TANGO6: variants seen among roughly 807,000 people sequenced by gnomAD.
The protein encoded by TANGO6 is transport and golgi organization 6 homolog, also known as transport and Golgi organization protein 6 homolog.
Under a neutral mutation model 114.2 loss-of-function variants are expected in TANGO6, and 90 were observed. That is an observed-to-expected ratio of 0.79 (90% CI 0.66 to 0.94). The LOEUF (loss-of-function observed/expected upper bound fraction) is 0.94, where lower values mean the gene tolerates loss of function less well. Ranked by LOEUF, TANGO6 falls within the 40% of genes least tolerant of loss-of-function variation. The probability of loss-of-function intolerance (pLI) is 0.00; values close to 1 mark genes in which losing one functional copy is unlikely to be tolerated. For missense variants in TANGO6, 1,274 were observed against 1,315.3 expected (o/e 0.97, Z 0.49); for synonymous variants, 477 against 509.8 (o/e 0.94, Z 0.87).
chr16:69,040,180 C>A, intron 16 of TANGO6, 128 bp from the exon 17 acceptor site: 1 of 743,626 alleles, frequency 1.3e-6, no homozygotes, highest in Non-Finnish European at 2.2e-6. Flanking sequence ...GAGGATTAAG[C>A]AACTATCCAG....
chr16:68,907,383 G>A (rs939829932), intron 9 of TANGO6, 60 bp from the exon 10 acceptor site: 106 of 1,493,398 alleles, frequency 7.1e-5, no homozygotes, highest in Non-Finnish European at 8.7e-5. Flanking sequence ...TTGTTATGGG[G>A]TTTAAAATTA....
chr16:68,846,442 A>G (rs1402958703), intron 1 of TANGO6: 4 of 283,948 alleles, frequency 1.4e-5, no homozygotes, highest in African/African-American at 2.3e-5. Context: ...TAACTGGAAA[A>G]GGGAGGAGAG....
At chr16:68,921,828 T>A (rs991534859) in intron 12 of TANGO6, among the ~76,000 whole-genome samples, 2 of 152,126 alleles carry the variant, frequency 1.3e-5, no homozygotes, top group Admixed American at 1.3e-4. Flanking sequence ...CCATCCTGAC[T>A]CACTGATTAC....
chr16:68,874,194 C>T (rs1368623348), intron 4 of TANGO6, among the ~76,000 whole-genome samples: 1 of 152,204 alleles, frequency 6.6e-6, no homozygotes, highest in African/African-American at 2.4e-5. Flanking sequence ...ATGTAACTTC[C>T]TCCCTTCTGG....
At chr16:68,902,283 A>G (rs1487341955) in intron 8 of TANGO6, 45 bp from the exon 9 acceptor site, 1 of 1,545,674 alleles carries the variant, frequency 6.5e-7, no homozygotes, top group African/African-American at 1.4e-5. Flanking sequence ...TGTTAGATGC[A>G]TGGAGTAAGA....
chr16:68,936,810 T>TA (rs199619010), intron 14 of TANGO6, among the ~76,000 whole-genome samples: 14,967 of 140,772 alleles, frequency 0.11, 812 homozygotes, highest in African/African-American at 0.15. Context: ...GAGAAAAAAA[T>TA]AAAAAAAAAA....
chr16:68,996,169 G>A (rs1375510857), intron 15 of TANGO6, among the ~76,000 whole-genome samples: 1 of 152,138 alleles, frequency 6.6e-6, no homozygotes, highest in African/African-American at 2.4e-5. Context: ...GAAATTCAAG[G>A]CTGAAAAGTA....
rs139561350 is a variant in TANGO6 at position 69,063,967 on chromosome 16, G to C, written c.3109-19518G>C. Reference sequence around the variant, plus strand: ...TTCCCCTCCCTCAGCCTCCTGAGTAGCTGGGATTACAGGCATGTGCCACCA... The same window carrying C: ...TTCCCCTCCCTCAGCCTCCTGAGTACCTGGGATTACAGGCATGTGCCACCA... On this transcript the variant is annotated intron_variant, in intron 17 of 17. Transcript: ENST00000261778. 6.9e-3 allele frequency among the ~76,000 whole-genome samples: 1,056 copies of C among 152,104 alleles called. 9 individuals are homozygous for C. The highest frequency in any genetic ancestry group is 0.022 in the African/African-American group (899 of 41,512).
chr16:68,998,308 C>A lies in TANGO6; in HGVS notation c.2842+24140C>A, dbSNP rs1964011270. On this transcript the variant is annotated intron_variant, in intron 15 of 17. Transcript: ENST00000261778. ...GTTCACAGGAGTAAGCAGGATCAGT[C>A]TAAATTGCAGAAAAAATTCAAAAAC... Among the ~76,000 whole-genome samples the A allele has an allele frequency of 2.6e-5, 4 of 152,148 alleles. No homozygotes were observed. The South Asian group carries it at 8.3e-4, about 32-fold the overall frequency.
chr16:69,071,353 C>T (rs1960295066), intron 17 of TANGO6, among the ~76,000 whole-genome samples: 1 of 152,134 alleles, frequency 6.6e-6, no homozygotes, highest in Non-Finnish European at 1.5e-5. Flanking sequence ...TATTTAGCAA[C>T]TCATTTTCCT....
intron 12 of TANGO6, among the ~76,000 whole-genome samples, chr16:68,926,450 C>T (rs762563197): frequency 2.9e-4 from 44 of 150,834 alleles, no homozygotes; most frequent in South Asian, 8.5e-4. Context: ...GCCGAGATTA[C>T]GCCATTGCAC....
intron 4 of TANGO6, among the ~76,000 whole-genome samples, chr16:68,869,714 C>T (rs1313748324): frequency 6.6e-6 from 1 of 152,164 alleles, no homozygotes; most frequent in Non-Finnish European, 1.5e-5. Context: ...CAACAACTTA[C>T]CACAAACTTA....
At chr16:68,912,900 A>AC (rs1241405935) in intron 11 of TANGO6, among the ~76,000 whole-genome samples, 2 of 136,118 alleles carry the variant, frequency 1.5e-5, no homozygotes, top group East Asian at 4.2e-4. Flanking sequence ...ACATAGCAAG[A>AC]CCCCATCTCT....
chr16:68,965,395 G>A (rs771876323), intron 14 of TANGO6, among the ~76,000 whole-genome samples: 1 of 152,144 alleles, frequency 6.6e-6, no homozygotes, highest in East Asian at 1.9e-4. Context: ...CTCTCACCCT[G>A]CAGGGGCAAC....
chr16:68,868,479 C>G (rs1031335999), intron 4 of TANGO6, among the ~76,000 whole-genome samples: 1 of 147,988 alleles, frequency 6.8e-6, no homozygotes. Context: ...CTGGTATTTA[C>G]CTCTATATTT....
intron 15 of TANGO6, 39 bp downstream of exon 15, chr16:68,974,207 G>T (rs754489544): frequency 6.8e-6 from 11 of 1,612,636 alleles, no homozygotes; most frequent in Non-Finnish European, 8.5e-6. Flanking sequence ...AAAGGGTGGA[G>T]GATCAGTGTG....
intron 15 of TANGO6, among the ~76,000 whole-genome samples, chr16:68,979,889 G>C (rs1963807151): frequency 6.7e-6 from 1 of 149,664 alleles, no homozygotes; most frequent in Non-Finnish European, 1.5e-5. Flanking sequence ...CTGTCACCCA[G>C]GCTGGAGTGC....
intron 7 of TANGO6, among the ~76,000 whole-genome samples, chr16:68,892,191 A>T (rs1279717278): frequency 6.6e-6 from 1 of 152,234 alleles, no homozygotes; most frequent in African/African-American, 2.4e-5. Flanking sequence ...TCAAGTAGAC[A>T]AAGAGTTACA....
chr16:69,054,126 G>A (rs776000061), intron 17 of TANGO6, among the ~76,000 whole-genome samples: 7 of 152,126 alleles, frequency 4.6e-5, no homozygotes, highest in Admixed American at 3.3e-4. Context: ...GGAGGGTTCC[G>A]GAAGATGAGT....
Sources: allele counts gnomAD v4.1 joint callset (sites outside exome capture counted in the v4.1 genomes callset), GRCh38; gene constraint gnomAD v4.1.1; transcripts MANE v1.5; gene names NCBI Gene and HGNC (gene_info 2026-07-23, HGNC 2026-07-21).